Variants in MAD1L1 observed in about 807,000 individuals in gnomAD.
The protein encoded by MAD1L1 is mitotic arrest deficient 1 like 1.
In MAD1L1, 95 loss-of-function variants were observed where a neutral mutation model predicts 96.9. The observed-to-expected ratio is 0.98, with a 90% CI of 0.83 to 1.16. The LOEUF is 1.16. Among genes scored for constraint, MAD1L1 ranks in the 50% most tolerant of loss-of-function variants. The pLI is 0.00. For synonymous variants in MAD1L1, 473 were observed against 396.6 expected (o/e 1.19, Z -2.29); for missense variants, 1,007 against 954.4 (o/e 1.06, Z -0.73).
At chr7:1,850,512 C>T (rs549115116) in intron 18 of MAD1L1, among the ~76,000 whole-genome samples, 13 of 152,286 alleles carry the variant, frequency 8.5e-5, no homozygotes, top group South Asian at 4.1e-4. Context: ...GGGCTCCAGA[C>T]GGTGGGTCAG....
chr7:2,197,964 C>G (rs956804685), intron 10 of MAD1L1, among the ~76,000 whole-genome samples: 5 of 152,194 alleles, frequency 3.3e-5, no homozygotes, highest in African/African-American at 1.2e-4. Context: ...CCTGCACCCA[C>G]AGGGCCCATC....
chr7:1,958,781 C>T (rs768569563), intron 15 of MAD1L1, among the ~76,000 whole-genome samples: 2 of 152,170 alleles, frequency 1.3e-5, no homozygotes, highest in South Asian at 2.1e-4. Context: ...CAAACAGGGA[C>T]ATTTAGACAG....
intron 12 of MAD1L1, among the ~76,000 whole-genome samples, chr7:2,044,682 C>T (rs1053454722): frequency 6.6e-6 from 1 of 152,186 alleles, no homozygotes; most frequent in South Asian, 2.1e-4. Context: ...TCTTCCTGTA[C>T]AGCGAGGGCG....
intron 12 of MAD1L1, among the ~76,000 whole-genome samples, chr7:2,061,793 G>A (rs999976926): frequency 6.6e-6 from 1 of 152,232 alleles, no homozygotes; most frequent in Non-Finnish European, 1.5e-5. Flanking sequence ...TTAAAAAGTG[G>A]TATTTTTATA....
chr7:1,862,032 G>C (rs1784558109), intron 18 of MAD1L1, among the ~76,000 whole-genome samples: 1 of 152,186 alleles, frequency 6.6e-6, no homozygotes, highest in Non-Finnish European at 1.5e-5. Context: ...AGAGAAGTGA[G>C]TCTCTTGAAG....
chr7:2,121,104 C>T (rs556949237), intron 11 of MAD1L1, among the ~76,000 whole-genome samples: 48 of 152,324 alleles, frequency 3.2e-4, no homozygotes, highest in Non-Finnish European at 6.5e-4. Context: ...GCGCAGGCTC[C>T]CAGGGCAGGC....
intron 17 of MAD1L1, among the ~76,000 whole-genome samples, chr7:1,928,681 T>C (rs73050147): frequency 0.034 from 5,171 of 152,330 alleles, 193 homozygotes; most frequent in Admixed American, 0.099. Context: ...GCTGTCGGCA[T>C]TGCACGGTGT....
chr7:2,025,889 G>A (rs369989877), intron 12 of MAD1L1, among the ~76,000 whole-genome samples: 56 of 151,908 alleles, frequency 3.7e-4, no homozygotes, highest in East Asian at 1.4e-3. Context: ...ACAAGATAAC[G>A]ATCATAAAAA....
At chr7:2,220,690 G>A (rs1460096613) in intron 5 of MAD1L1, among the ~76,000 whole-genome samples, 3 of 152,186 alleles carry the variant, frequency 2.0e-5, no homozygotes, top group South Asian at 2.1e-4. Context: ...GCCTATCACC[G>A]CTGTCCACCC....
At chr7:1,942,047 G>A (rs904128386) in intron 16 of MAD1L1, among the ~76,000 whole-genome samples, 13 of 152,172 alleles carry the variant, frequency 8.5e-5, no homozygotes, top group Non-Finnish European at 1.2e-4. Flanking sequence ...TCTGGGCCAG[G>A]CTCTTGACCT....
chr7:1,999,769 A>G (rs1243457965), intron 14 of MAD1L1, among the ~76,000 whole-genome samples: 1 of 152,202 alleles, frequency 6.6e-6, no homozygotes, highest in Non-Finnish European at 1.5e-5. Context: ...CCAGCCCCTG[A>G]CCAGGCCCTT....
chr7:2,150,857 G>T (rs1364257004), intron 10 of MAD1L1, among the ~76,000 whole-genome samples: 1 of 152,236 alleles, frequency 6.6e-6, no homozygotes, highest in African/African-American at 2.4e-5. Context: ...CAAAGAACAG[G>T]CCCCTTGCTG....
At chr7:2,130,751 C>T (rs1230534441) in intron 11 of MAD1L1, among the ~76,000 whole-genome samples, 2 of 152,232 alleles carry the variant, frequency 1.3e-5, no homozygotes, top group Non-Finnish European at 2.9e-5. Flanking sequence ...TCTCCCACTT[C>T]CAGTCACCGA....
chr7:1,944,713 T>C (rs1018710299), intron 16 of MAD1L1, among the ~76,000 whole-genome samples: 9 of 151,956 alleles, frequency 5.9e-5, no homozygotes, highest in Non-Finnish European at 1.0e-4. Context: ...GGCCTGACCA[T>C]CACCCCCCAC....
At chr7:2,033,990 G>T (rs966333541) in intron 12 of MAD1L1, among the ~76,000 whole-genome samples, 25 of 152,230 alleles carry the variant, frequency 1.6e-4, no homozygotes, top group African/African-American at 5.8e-4. Flanking sequence ...CAGCTACTGG[G>T]GAGGCTCAGG....
intron 17 of MAD1L1, among the ~76,000 whole-genome samples, chr7:1,911,641 A>C (rs1446744140): frequency 6.6e-6 from 1 of 152,154 alleles, no homozygotes; most frequent in East Asian, 1.9e-4. Flanking sequence ...CCTCCAGATG[A>C]GGCCCCTCTT....
At chr7:1,835,777 A>G (rs904566845) in intron 18 of MAD1L1, among the ~76,000 whole-genome samples, 5 of 152,214 alleles carry the variant, frequency 3.3e-5, no homozygotes, top group Non-Finnish European at 7.3e-5. Context: ...GGGCTGCTCG[A>G]CTAACACTTA....
At chr7:1,856,005 C>T (rs11762834) in intron 18 of MAD1L1, among the ~76,000 whole-genome samples, 62,230 of 152,052 alleles carry the variant, frequency 0.41, 13,095 homozygotes, top group Admixed American at 0.5. Context: ...GGCACTTCCT[C>T]GCGGTGCGCT....
intron 14 of MAD1L1, among the ~76,000 whole-genome samples, chr7:1,988,746 G>A (rs200454147): frequency 6.9e-4 from 105 of 152,358 alleles, no homozygotes; most frequent in African/African-American, 2.5e-3. Context: ...CAGGATTCCC[G>A]GCGGCCAGGG....
Sources: gnomAD v4.1 joint callset for allele counts (sites outside exome capture counted in the v4.1 genomes callset) on GRCh38, gnomAD v4.1.1 for gene constraint, MANE v1.5 for transcripts, NCBI Gene and HGNC (gene_info 2026-07-23, HGNC 2026-07-21) for gene names.